Variants in NDUFA8 observed in about 807,000 individuals in gnomAD.
The protein encoded by NDUFA8 is NADH dehydrogenase [ubiquinone] 1 alpha subcomplex subunit 8.
A neutral mutation model predicts 20.9 loss-of-function variants in NDUFA8; 16 were observed. The ratio of observed to expected loss-of-function variants is 0.77; its 90% confidence interval spans 0.52 to 1.16. NDUFA8 has a LOEUF of 1.16. Among genes scored for constraint, NDUFA8 ranks in the 50% most tolerant of loss-of-function variants. NDUFA8 has a pLI of 0.00. For missense variants in NDUFA8, 202 were observed against 216.4 expected (o/e 0.93, Z 0.42); for synonymous variants, 70 against 76.1 (o/e 0.92, Z 0.41).
the NDUFA8 span, among the ~76,000 whole-genome samples, chr9:122,135,830 C>T: frequency 6.6e-6 from 1 of 152,130 alleles, no homozygotes; most frequent in Admixed American, 6.5e-5. Context: ...GTCAAGTGAC[C>T]CTCCCACCTT....
chr9:122,138,868 G>C, the NDUFA8 span, among the ~76,000 whole-genome samples: 2 of 143,230 alleles, frequency 1.4e-5, no homozygotes, highest in Non-Finnish European at 3.1e-5. Flanking sequence ...GAAGAGGTGG[G>C]GGGGGGGCCA....
chr9:122,139,880 G>C (rs551803632), downstream of NDUFA8, among the ~76,000 whole-genome samples: 108 of 152,224 alleles, frequency 7.1e-4, 1 homozygote, highest in Non-Finnish European at 1.4e-3. Flanking sequence ...TTTTAGTAGA[G>C]AAGGGTTTCC....
chr9:122,153,353 T>G (rs1377002810), intron 1 of NDUFA8, among the ~76,000 whole-genome samples: 1 of 118,980 alleles, frequency 8.4e-6, no homozygotes, highest in Non-Finnish European at 1.8e-5. Context: ...AAGATGAGGC[T>G]GGAAGAGATC....
rs748355179 is a variant in NDUFA8, at chr9:122,148,168, C to T, written c.325G>A (p.Glu109Lys). The T allele has an allele frequency of 8.7e-6, 14 of 1,614,026 alleles. No homozygotes were observed. The highest frequency in any genetic ancestry group is 3.3e-5 in the Admixed American group (2 of 59,986). ...HCRKQQAKFD[E>K]CVLDKLGWVR... ...CAGCCCAGTTTGTCCAGCACACACTCGTCAAACTTTGCCTGCTGTTTGCGA... is the reference window on the plus strand; with the variant it reads ...CAGCCCAGTTTGTCCAGCACACACTTGTCAAACTTTGCCTGCTGTTTGCGA... The change falls in exon 3 of 4, where the codon GAG becomes AAG. Residue 109 changes from glutamate (E) to lysine (K), a missense_variant. Physicochemically the swap from Glu to Lys is moderately conservative, Grantham distance 56. Coordinates refer to ENST00000373768, the MANE Select transcript of NDUFA8 (RefSeq NM_014222.3).
At chr9:122,152,748 GA>G (rs1829024614) in intron 1 of NDUFA8, among the ~76,000 whole-genome samples, 2 of 152,032 alleles carry the variant, frequency 1.3e-5, no homozygotes, top group African/African-American at 4.8e-5. Flanking sequence ...GTGATTTAGA[GA>G]ACGCAAAGCT....
intron 1 of NDUFA8, among the ~76,000 whole-genome samples, chr9:122,156,716 G>A (rs751957764): frequency 1.3e-5 from 2 of 152,112 alleles, no homozygotes; most frequent in Non-Finnish European, 2.9e-5. Context: ...CTATTGCCAC[G>A]CTGCAAATCT....
At chr9:122,136,969 G>A in the NDUFA8 span, among the ~76,000 whole-genome samples, 1 of 152,110 alleles carries the variant, frequency 6.6e-6, no homozygotes, top group East Asian at 1.9e-4. Context: ...TCTCCTCCAA[G>A]GTCCCAAGCA....
chr9:122,151,535 A>G (rs1159962721), intron 2 of NDUFA8, among the ~76,000 whole-genome samples: 2 of 151,420 alleles, frequency 1.3e-5, no homozygotes, highest in Admixed American at 6.6e-5. Flanking sequence ...TGGTACAGCA[A>G]GGTGAGAGTC....
chr9:122,144,381 G>A lies in NDUFA8; in HGVS notation c.382-3C>T. On this transcript the variant is annotated splice_region_variant and splice_polypyrimidine_tract_variant and intron_variant, in intron 3 of 3. Transcript: ENST00000373768. The stretch of plus-strand genomic sequence containing the variant: ...CGATCTGTTTTCACTTTGGTGACCT[G>A]GGAAGGGTGAAGAGGGCAAAAGCAA... 6.2e-7 allele frequency: 1 copy of A among 1,614,108 alleles called. No individual in the cohort carries two copies.
chr9:122,157,849 T>C (rs1308296865), intron 1 of NDUFA8, among the ~76,000 whole-genome samples: 1 of 152,168 alleles, frequency 6.6e-6, no homozygotes, highest in East Asian at 1.9e-4. Flanking sequence ...AATGAAGCAT[T>C]GCAGGTAGAA....
chr9:122,144,537 GAACA>G (rs1233012615), intron 3 of NDUFA8, among the ~76,000 whole-genome samples, 159 bp from the exon 4 acceptor site: 1 of 152,168 alleles, frequency 6.6e-6, no homozygotes, highest in Non-Finnish European at 1.5e-5. Flanking sequence ...TTTAATCATT[GAACA>G]AACACTCAGG....
At chr9:122,148,915 T>G (rs974353256) in intron 2 of NDUFA8, among the ~76,000 whole-genome samples, 9 of 152,248 alleles carry the variant, frequency 5.9e-5, no homozygotes, top group African/African-American at 1.7e-4. Flanking sequence ...TAATTCATTC[T>G]GTGGCCATCA....
At chr9:122,156,709 T>C (rs16911495) in intron 1 of NDUFA8, among the ~76,000 whole-genome samples, 1,682 of 152,350 alleles carry the variant, frequency 0.011, 32 homozygotes, top group African/African-American at 0.039. Flanking sequence ...ACCAGTACTA[T>C]TGCCACGCTG....
At chr9:122,156,367 C>T (rs780195181) in intron 1 of NDUFA8, among the ~76,000 whole-genome samples, 5 of 152,174 alleles carry the variant, frequency 3.3e-5, no homozygotes, top group South Asian at 2.1e-4. Context: ...CCTTAAACTA[C>T]GTCTGTACCT....
downstream of NDUFA8, among the ~76,000 whole-genome samples, chr9:122,142,425 A>C (rs997511168): frequency 2.0e-5 from 3 of 152,156 alleles, no homozygotes; most frequent in South Asian, 6.2e-4. Flanking sequence ...AGGCCACACT[A>C]CACACCAATT....
At chr9:122,138,496 T>TA in the NDUFA8 span, among the ~76,000 whole-genome samples, 3 of 152,146 alleles carry the variant, frequency 2.0e-5, no homozygotes, top group Non-Finnish European at 4.4e-5. Context: ...CGTTAATCAT[T>TA]AAGGTAAAAT....
the NDUFA8 span, among the ~76,000 whole-genome samples, chr9:122,138,322 T>C: frequency 6.6e-6 from 1 of 152,234 alleles, no homozygotes; most frequent in East Asian, 1.9e-4. Flanking sequence ...GTAATTTATA[T>C]TTCTTATTAC....
intron 2 of NDUFA8, among the ~76,000 whole-genome samples, chr9:122,150,226 T>C (rs1424938915): frequency 2.0e-5 from 3 of 151,514 alleles, no homozygotes; most frequent in Non-Finnish European, 2.9e-5. Context: ...ATTGAGACCA[T>C]GGTGAAACCC....
In NDUFA8 at chr9:122,144,314, T is replaced by A; in HGVS notation, c.446A>T (p.Asp149Val). ...ATCTCCCTCGATCTCAGGGCTGGGA[T>A]CCGGTCTTGGTCTTGAGTGATAGGG... The part of the protein sequence containing the change: ...ENPYHSRPRP[D>V]PSPEIEGDLQ... Residue 149 changes from aspartate to valine, a missense_variant, in exon 4 of 4, where the codon GAT (aspartate) becomes GTT (valine). Coordinates refer to ENST00000373768, the MANE Select transcript of NDUFA8 (RefSeq NM_014222.3). 5 of 1,614,176 alleles carry A rather than the reference T, an allele frequency of 3.1e-6. No individual in the cohort carries two copies. Among genetic ancestry groups the A allele is most frequent in the Non-Finnish European group, 4.2e-6 (5 of 1,180,026 alleles).
Sources: allele counts gnomAD v4.1 joint callset (sites outside exome capture counted in the v4.1 genomes callset), GRCh38; gene constraint gnomAD v4.1.1; transcripts MANE v1.5; gene names NCBI Gene and HGNC (gene_info 2026-07-23, HGNC 2026-07-21).